MLLT10: variants seen among roughly 807,000 people sequenced by gnomAD.
MLLT10 encodes the protein protein AF-10.
MLLT10 carries 30 observed loss-of-function variants against 129.1 expected under a neutral mutation model. The ratio of observed to expected loss-of-function variants is 0.23; its 90% CI spans 0.17 to 0.32. MLLT10 has a LOEUF of 0.32. Among genes scored for constraint, MLLT10 ranks in the 10% least tolerant of loss-of-function variants. The pLI, the probability that MLLT10 is intolerant of heterozygous loss-of-function variation, is 1.00. For synonymous variants in MLLT10, 490 were observed against 446.4 expected, an observed-to-expected ratio of 1.10 and a Z score of -1.23; for missense variants, 1,119 against 1,268.3, an observed-to-expected ratio of 0.88 and a Z score of 1.79.
chr10:21,539,775 A>G (rs1410091395), intron 3 of MLLT10, among the ~76,000 whole-genome samples: 1 of 152,094 alleles, frequency 6.6e-6, no homozygotes, highest in Non-Finnish European at 1.5e-5. Flanking sequence ...GTCTCAAAAA[A>G]AAGAAAAACA....
chr10:21,699,966 T>C (rs1165218346), intron 13 of MLLT10, among the ~76,000 whole-genome samples: 1 of 152,180 alleles, frequency 6.6e-6, no homozygotes, highest in Non-Finnish European at 1.5e-5. Flanking sequence ...CTTTTGGCAG[T>C]GTGGTCATTT....
intron 11 of MLLT10, among the ~76,000 whole-genome samples, chr10:21,679,200 C>T (rs1012873189): frequency 6.6e-6 from 1 of 152,084 alleles, no homozygotes; most frequent in African/African-American, 2.4e-5. Context: ...TAGTGTGTTT[C>T]TAAAAGTGAT....
chr10:21,548,396 C>G (rs1279813056), intron 3 of MLLT10, among the ~76,000 whole-genome samples: 1 of 143,974 alleles, frequency 6.9e-6, no homozygotes, highest in Non-Finnish European at 1.5e-5. Context: ...TTTTTTGAGA[C>G]GGAGCCTCTG....
intron 8 of MLLT10, among the ~76,000 whole-genome samples, chr10:21,624,083 A>G (rs998260444): frequency 2.6e-5 from 4 of 152,238 alleles, no homozygotes; most frequent in Non-Finnish European, 5.9e-5. Flanking sequence ...TAACAATTTA[A>G]AAACACAGTT....
At chr10:21,738,103 A>G (rs2058525723) in intron 21 of MLLT10, among the ~76,000 whole-genome samples, 1 of 152,000 alleles carries the variant, frequency 6.6e-6, no homozygotes, top group South Asian at 2.1e-4. Context: ...CCCCGTCTCT[A>G]CTAAAAATAC....
chr10:21,702,775 A>G (rs2055053015), intron 13 of MLLT10, among the ~76,000 whole-genome samples: 1 of 152,118 alleles, frequency 6.6e-6, no homozygotes, highest in South Asian at 2.1e-4. Context: ...TTTGCATAAA[A>G]TATCTTTTTT....
At chr10:21,573,403 A>C (rs1353044301) in intron 3 of MLLT10, among the ~76,000 whole-genome samples, 2 of 152,192 alleles carry the variant, frequency 1.3e-5, no homozygotes, top group African/African-American at 4.8e-5. Flanking sequence ...AGGAATAGTC[A>C]TGCCATGCCA....
At chr10:21,545,303 A>G (rs1307977821) in intron 3 of MLLT10, among the ~76,000 whole-genome samples, 1 of 151,786 alleles carries the variant, frequency 6.6e-6, no homozygotes, top group African/African-American at 2.4e-5. Context: ...AGAACTGATT[A>G]TCAAGGATTG....
chr10:21,674,796 A>G (rs1188248374), intron 11 of MLLT10, among the ~76,000 whole-genome samples: 2 of 152,198 alleles, frequency 1.3e-5, no homozygotes, highest in Admixed American at 6.5e-5. Flanking sequence ...ACAAGAATTT[A>G]GGTAAGATAA....
chr10:21,667,971 T>G (rs532696792), intron 9 of MLLT10, among the ~76,000 whole-genome samples: 1 of 152,250 alleles, frequency 6.6e-6, no homozygotes, highest in African/African-American at 2.4e-5. Flanking sequence ...TTTAAAAGAT[T>G]AAGTTGCCCG....
chr10:21,658,151 T>A (rs1273533421), intron 9 of MLLT10, among the ~76,000 whole-genome samples: 1 of 152,224 alleles, frequency 6.6e-6, no homozygotes, highest in Admixed American at 6.5e-5. Flanking sequence ...CACGATACAT[T>A]GCACATATTT....
intron 20 of MLLT10, 76 bp from the exon 21 acceptor site, chr10:21,735,063 T>C: frequency 9.7e-7 from 1 of 1,031,560 alleles, no homozygotes. Flanking sequence ...AATTGAAAAG[T>C]TGTCTTTCAT....
At chr10:21,709,512 T>C (rs1195442865) in intron 13 of MLLT10, among the ~76,000 whole-genome samples, 1 of 152,220 alleles carries the variant, frequency 6.6e-6, no homozygotes, top group African/African-American at 2.4e-5. Context: ...ATTACAGATG[T>C]GAGCCACCGC....
At chr10:21,612,293 C>A in intron 5 of MLLT10, 55 bp from the exon 6 acceptor site, 6 of 1,059,680 alleles carry the variant, frequency 5.7e-6, no homozygotes, top group Non-Finnish European at 6.9e-6. Flanking sequence ...TTGTAAAATT[C>A]TGATTCATGT....
chr10:21,598,390 G>T (rs113992085), intron 5 of MLLT10, among the ~76,000 whole-genome samples: 1 of 152,154 alleles, frequency 6.6e-6, no homozygotes, highest in Non-Finnish European at 1.5e-5. Context: ...TATTCCTGCT[G>T]TAGTTCTGAA....
Position 21,732,961 on chromosome 10 carries a change from A to G in MLLT10, c.2281A>G (p.Ile761Val). ...QVENRRLEEQ[I>V]KNLTAKKERL... ...TGAAAACCGAAGATTAGAGGAACAA[A>G]TTAAAAACTTGACTGCCAAAAAGGA... The change falls in exon 18 of 23, where the codon ATT (isoleucine) becomes GTT (valine). Residue 761 changes from isoleucine to valine, a missense_variant. By Grantham distance (29) the Ile-to-Val change is conservative. Coordinates refer to ENST00000307729, the MANE Select transcript of MLLT10 (RefSeq NM_001195626.3). The G allele has an allele frequency of 1.2e-6, 2 of 1,614,102 alleles. No homozygotes were observed. The highest frequency in any genetic ancestry group is 8.5e-7 in the Non-Finnish European group (1 of 1,180,004).
intron 8 of MLLT10, among the ~76,000 whole-genome samples, chr10:21,646,770 C>T (rs2048517351): frequency 1.3e-5 from 2 of 151,972 alleles, no homozygotes; most frequent in African/African-American, 4.8e-5. Flanking sequence ...GGGGAATTCA[C>T]AGTTCTGAAG....
chr10:21,593,356 T>C (rs753340166), intron 4 of MLLT10, among the ~76,000 whole-genome samples: 1 of 152,168 alleles, frequency 6.6e-6, no homozygotes, highest in African/African-American at 2.4e-5. Flanking sequence ...TCCAAAGTGC[T>C]GGGCTTACGG....
chr10:21,546,089 AT>A (rs889772649), intron 3 of MLLT10, among the ~76,000 whole-genome samples: 2 of 151,888 alleles, frequency 1.3e-5, no homozygotes, highest in Non-Finnish European at 2.9e-5. Context: ...AATTTAATTA[AT>A]TTTTTTTGAG....
Sources: gnomAD v4.1 joint callset for allele counts (sites outside exome capture counted in the v4.1 genomes callset) on GRCh38, gnomAD v4.1.1 for gene constraint, MANE v1.5 for transcripts, NCBI Gene and HGNC (gene_info 2026-07-23, HGNC 2026-07-21) for gene names.